PALLD: variants seen among roughly 807,000 people sequenced by gnomAD.
PALLD encodes palladin, cytoskeletal associated protein, also known as palladin.
In PALLD, 61 loss-of-function variants were observed where a neutral mutation model predicts 123.5. That is an observed-to-expected ratio of 0.49 (90% CI 0.40 to 0.61). The LOEUF is 0.61. Among genes scored for constraint, PALLD ranks in the 20% least tolerant of loss-of-function variants. The probability of loss-of-function intolerance (pLI) is 0.00; values close to 1 mark genes in which losing one functional copy is unlikely to be tolerated. For synonymous variants in PALLD, 465 were observed against 496.4 expected, an observed-to-expected ratio of 0.94 and a Z score of 0.84; for missense variants, 1,273 against 1,377.0, an observed-to-expected ratio of 0.92 and a Z score of 1.20.
intron 1 of PALLD, among the ~76,000 whole-genome samples, chr4:168,508,969 A>C (rs1226242634): frequency 2.0e-5 from 3 of 152,078 alleles, no homozygotes; most frequent in Non-Finnish European, 4.4e-5. Flanking sequence ...GGTAGGACAA[A>C]CTATAAAACG....
At position 168,755,420 on chromosome 4, in the gene PALLD, G is replaced by A. The variant is rs192582755; in HGVS notation, c.1964+43497G>A. ...CGGGGAAAGATCACGTTTTTAAGCCGTGAGTGAACAGAAGCTTGGCATGTG... is the reference window on the plus strand; with the variant it reads ...CGGGGAAAGATCACGTTTTTAAGCCATGAGTGAACAGAAGCTTGGCATGTG... On this transcript the variant is annotated intron_variant, in intron 10 of 21. Transcript: ENST00000505667. Among the ~76,000 whole-genome samples, 9 of 149,820 alleles carry A rather than the reference G, an allele frequency of 6.0e-5. No individual in the cohort carries two copies. The East Asian group carries it at 7.7e-4, about 13-fold the overall frequency.
chr4:168,583,024 T>A (rs1359653466), intron 2 of PALLD, among the ~76,000 whole-genome samples: 1 of 152,156 alleles, frequency 6.6e-6, no homozygotes, highest in Non-Finnish European at 1.5e-5. Context: ...AGCATACTCA[T>A]TATTAGCAGC....
At chr4:168,728,619 T>G (rs1786827967) in intron 10 of PALLD, among the ~76,000 whole-genome samples, 1 of 152,210 alleles carries the variant, frequency 6.6e-6, no homozygotes, top group Non-Finnish European at 1.5e-5. Context: ...CTTTAGGAAT[T>G]TTCTAGATAT....
chr4:168,504,008 A>G (rs1223700039), intron 1 of PALLD, among the ~76,000 whole-genome samples: 2 of 152,226 alleles, frequency 1.3e-5, no homozygotes, highest in African/African-American at 4.8e-5. Flanking sequence ...CTATTTTAAT[A>G]GAAATTATCA....
At chr4:168,625,847 T>C (rs981046148) in intron 2 of PALLD, among the ~76,000 whole-genome samples, 1 of 152,086 alleles carries the variant, frequency 6.6e-6, no homozygotes, top group African/African-American at 2.4e-5. Context: ...ACTATCGAAA[T>C]CAGTCTCACT....
At chr4:168,555,587 G>T (rs1767197914) in intron 2 of PALLD, among the ~76,000 whole-genome samples, 1 of 152,192 alleles carries the variant, frequency 6.6e-6, no homozygotes, top group Admixed American at 6.5e-5. Flanking sequence ...TAGAATGAAA[G>T]ATCTGATATT....
chr4:168,690,558 C>T lies in PALLD; in HGVS notation c.1336-45C>T, dbSNP rs1475566276. 3.1e-6 allele frequency: 5 copies of T among 1,612,514 alleles called. No individual in the cohort carries two copies. The African/African-American group carries it at 5.3e-5, about 17-fold the overall frequency. On this transcript the variant is annotated intron_variant, in intron 6 of 21. Coordinates refer to ENST00000505667, the MANE Select transcript of PALLD (RefSeq NM_001166108.2). The stretch of plus-strand genomic sequence containing the variant: ...TGTGTTGTGAAATTGCTTAAAAATG[C>T]ACCAAAGTCTGATGGGGTTTTCCTT...
At chr4:168,903,626 G>T in intron 14 of PALLD, 131 bp from the exon 15 acceptor site, 1 of 733,836 alleles carries the variant, frequency 1.4e-6, no homozygotes, top group East Asian at 2.6e-5. Flanking sequence ...TCCTTAGTCA[G>T]GTATTTGGTT....
chr4:168,647,057 C>T (rs1467277045), intron 2 of PALLD, among the ~76,000 whole-genome samples: 1 of 152,120 alleles, frequency 6.6e-6, no homozygotes, highest in Admixed American at 6.6e-5. Flanking sequence ...AAAGAAAAAA[C>T]AGAAATAAAA....
chr4:168,634,795 A>G (rs767729704), intron 2 of PALLD, among the ~76,000 whole-genome samples: 19 of 152,308 alleles, frequency 1.2e-4, no homozygotes, highest in Non-Finnish European at 2.6e-4. Flanking sequence ...TTGAGACCAC[A>G]TGGCTCCAAC....
intron 18 of PALLD, among the ~76,000 whole-genome samples, chr4:168,922,731 CTCT>C: frequency 1.3e-5 from 2 of 152,318 alleles, no homozygotes; most frequent in Admixed American, 1.3e-4. Context: ...GTACAAAGTA[CTCT>C]ATATTCTTAC....
intron 2 of PALLD, among the ~76,000 whole-genome samples, chr4:168,579,706 A>T (rs924923495): frequency 1.3e-5 from 2 of 152,108 alleles, no homozygotes; most frequent in African/African-American, 4.8e-5. Flanking sequence ...ATTATTTTAA[A>T]ATAAGTTCTT....
chr4:168,693,211 A>G (rs1457592292), intron 8 of PALLD, among the ~76,000 whole-genome samples: 1 of 141,020 alleles, frequency 7.1e-6, no homozygotes, highest in East Asian at 2.2e-4. Flanking sequence ...TCTGTTTCAG[A>G]TCTCCCCTGC....
At chr4:168,873,819 G>A (rs1751394579) in intron 10 of PALLD, among the ~76,000 whole-genome samples, 1 of 152,166 alleles carries the variant, frequency 6.6e-6, no homozygotes, top group South Asian at 2.1e-4. Context: ...TGCCTCCTAG[G>A]GTTGGTGTGT....
At position 168,927,712 on chromosome 4, in the gene PALLD, A is replaced by G. The variant is rs116912964; in HGVS notation, c.*1532A>G. 107 of 224,384 alleles carry G rather than the reference A, an allele frequency of 4.8e-4. 1 individual carries two copies. In the East Asian group the frequency reaches 6.3e-3, roughly 13 times the overall value. 13.9% of individuals were successfully genotyped at this position (224,384 alleles called of 1,614,324 possible). On this transcript the variant is annotated 3_prime_UTR_variant, in exon 22 of 22. Coordinates refer to ENST00000505667, the MANE Select transcript of PALLD (RefSeq NM_001166108.2). ...CAAGGTTTGTAAAGGCATCTCGGTA[A>G]AGACTGCTTTTTGAATGCATATGAT...
intron 2 of PALLD, among the ~76,000 whole-genome samples, chr4:168,570,580 T>G (rs1768876910): frequency 6.6e-6 from 1 of 152,162 alleles, no homozygotes; most frequent in African/African-American, 2.4e-5. Flanking sequence ...TTTTCCATGT[T>G]TATCTTCTGA....
intron 10 of PALLD, among the ~76,000 whole-genome samples, chr4:168,803,172 C>A (rs1581549183): frequency 6.6e-6 from 1 of 152,104 alleles, no homozygotes; most frequent in East Asian, 1.9e-4. Context: ...ACTCACAGTT[C>A]CACAGGCTGT....
intron 3 of PALLD, among the ~76,000 whole-genome samples, chr4:168,670,092 T>G (rs190284015): frequency 1.7e-4 from 26 of 152,314 alleles, no homozygotes; most frequent in East Asian, 9.6e-4. Context: ...GCAAACTTCT[T>G]AAGCCATCTT....
intron 10 of PALLD, among the ~76,000 whole-genome samples, chr4:168,822,967 AC>A (rs992696944): frequency 3.3e-5 from 5 of 152,094 alleles, no homozygotes; most frequent in Non-Finnish European, 7.4e-5. Flanking sequence ...AATGTCAGAT[AC>A]CCAAGGATAG....
Sources: gnomAD v4.1 joint callset for allele counts (sites outside exome capture counted in the v4.1 genomes callset) on GRCh38, gnomAD v4.1.1 for gene constraint, MANE v1.5 for transcripts, NCBI Gene and HGNC (gene_info 2026-07-23, HGNC 2026-07-21) for gene names.